Variants in AGAP1 observed in about 807,000 individuals in gnomAD.
The protein encoded by AGAP1 is ArfGAP with GTPase domain, ankyrin repeat and PH domain 1.
AGAP1 carries 29 observed loss-of-function variants against 105.3 expected under a neutral mutation model. That is an observed-to-expected ratio of 0.28 (90% CI 0.21 to 0.38). The LOEUF (loss-of-function observed/expected upper bound fraction) is 0.38. AGAP1 is among the 10% of genes least tolerant of loss of function. AGAP1 has a pLI of 1.00. For synonymous variants in AGAP1, 509 were observed against 485.9 expected (o/e 1.05, Z -0.63); for missense variants, 998 against 1,165.1 (o/e 0.86, Z 2.09).
chr2:235,524,730 C>T (rs1041958845), intron 1 of AGAP1, among the ~76,000 whole-genome samples: 1 of 152,218 alleles, frequency 6.6e-6, no homozygotes, highest in Non-Finnish European at 1.5e-5. Context: ...CATCACCCCT[C>T]TCTTTTAGGG....
At chr2:236,008,990 T>G (rs1255632408) in intron 13 of AGAP1, among the ~76,000 whole-genome samples, 1 of 152,308 alleles carries the variant, frequency 6.6e-6, no homozygotes, top group East Asian at 1.9e-4. Flanking sequence ...ACTGAACACG[T>G]GTCCTATATA....
chr2:236,044,705 G>A lies in AGAP1; in HGVS notation c.1891+3864G>A, dbSNP rs931139552. ...GCCCACAAATAGAACCTCCGGTCCC[G>A]CAACGTCGGGTCTCCTTCCCATTGT... is the stretch of plus-strand genomic sequence containing the variant. On this transcript the variant is annotated intron_variant, in intron 15 of 17. Coordinates refer to ENST00000304032, the MANE Select transcript of AGAP1 (RefSeq NM_001037131.3). The surrounding 1 kb of genome is among the most constrained non-coding windows in gnomAD (Gnocchi z 5.7). 1.1e-4 allele frequency among the ~76,000 whole-genome samples: 17 copies of A among 152,168 alleles called. No individual in the cohort carries two copies. Among genetic ancestry groups the A allele is most frequent in the African/African-American group, 2.9e-4 (12 of 41,518 alleles).
At chr2:235,791,248 A>C (rs1956956931) in intron 6 of AGAP1, among the ~76,000 whole-genome samples, 1 of 152,040 alleles carries the variant, frequency 6.6e-6, no homozygotes, top group African/African-American at 2.4e-5. Context: ...ATTTCTTCTT[A>C]ATAAGATAGT....
In AGAP1 at chr2:235,721,474, ATTATG is replaced by A. The variant is rs1192109357; in HGVS notation, c.310+3832_310+3836del. On this transcript the variant is annotated intron_variant, in intron 3 of 17. Transcript: ENST00000304032. This position sits in a 1 kb window ranked among gnomAD's most constrained non-coding sequence, Gnocchi z 4.5. ...CTCTTGGATTGACAGATTCCTTAAT[ATTATG>A]TGTGTGTGTGTGTGTGTGTGTGTGT... 8.5e-6 allele frequency among the ~76,000 whole-genome samples: 1 copy of A among 118,046 alleles called. No homozygotes were observed. Among genetic ancestry groups the A allele is most frequent in the Non-Finnish European group, 1.8e-5 (1 of 55,646 alleles). 77.4% of individuals were successfully genotyped at this position (118,046 alleles called of 152,430 possible). A position where few individuals can be genotyped will look rare whatever the true frequency, so the allele number is the denominator to read the frequency against.
intron 16 of AGAP1, among the ~76,000 whole-genome samples, chr2:236,117,402 T>C (rs1021869135): frequency 2.0e-5 from 3 of 152,200 alleles, no homozygotes; most frequent in Non-Finnish European, 4.4e-5. Flanking sequence ...TGAGGTGAGA[T>C]GTGAGGACAG....
Position 235,729,241 on chromosome 2 carries a change from G to A in AGAP1, c.310+11597G>A, listed in dbSNP as rs898333086. 5.9e-5 allele frequency among the ~76,000 whole-genome samples: 9 copies of A among 152,160 alleles called. No homozygotes were observed. Among genetic ancestry groups the A allele is most frequent in the African/African-American group, 9.7e-5 (4 of 41,398 alleles). On this transcript the variant is annotated intron_variant, in intron 3 of 17. Transcript: ENST00000304032. The surrounding 1 kb of genome is among the most constrained non-coding windows in gnomAD (Gnocchi z 5.0). ...TAGGGCGTGTGCCCCTTGAGGAGCCGCATCCGCTTATTGGGCCTAAGAAAA... is the reference window on the plus strand; with the variant it reads ...TAGGGCGTGTGCCCCTTGAGGAGCCACATCCGCTTATTGGGCCTAAGAAAA...
At chr2:235,861,005 A>G (rs916267924) in intron 9 of AGAP1, among the ~76,000 whole-genome samples, 3 of 152,208 alleles carry the variant, frequency 2.0e-5, no homozygotes, top group Non-Finnish European at 4.4e-5. Flanking sequence ...TATCTGAACC[A>G]GGCAAGGAGA....
At position 235,864,138 on chromosome 2, in the gene AGAP1, T is replaced by A. The variant is rs1268983193; in HGVS notation, c.1051-19207T>A. ...TAAACAGTTGCTGTAGCATGTGTAATCTTTGCAGTGACAACAATTTAGGGA... is the reference window on the plus strand; with the variant it reads ...TAAACAGTTGCTGTAGCATGTGTAAACTTTGCAGTGACAACAATTTAGGGA... On this transcript the variant is annotated intron_variant, in intron 9 of 17. Coordinates refer to ENST00000304032, the MANE Select transcript of AGAP1 (RefSeq NM_001037131.3). The surrounding 1 kb of genome is among the most constrained non-coding windows in gnomAD (Gnocchi z 5.0). Among the ~76,000 whole-genome samples, 1 of 152,228 alleles carries A rather than the reference T, an allele frequency of 6.6e-6. No homozygotes were observed. Among genetic ancestry groups the A allele is most frequent in the Non-Finnish European group, 1.5e-5 (1 of 68,042 alleles).
rs1273567650 is a variant in AGAP1 at position 235,724,333 on chromosome 2, C to G, written c.310+6689C>G. 6.6e-6 allele frequency among the ~76,000 whole-genome samples: 1 copy of G among 152,208 alleles called. No homozygotes were observed. The highest frequency in any genetic ancestry group is 1.9e-4 in the East Asian group (1 of 5,198). ...GAAGGGCGACCCTCCAGCCCCATGTCCAGGCTCTCCCATCTTCCCAGCTCG... is the reference window on the plus strand; with the variant it reads ...GAAGGGCGACCCTCCAGCCCCATGTGCAGGCTCTCCCATCTTCCCAGCTCG... On this transcript the variant is annotated intron_variant, in intron 3 of 17. Coordinates refer to ENST00000304032, the MANE Select transcript of AGAP1 (RefSeq NM_001037131.3). This position sits in a 1 kb window ranked among gnomAD's most constrained non-coding sequence, Gnocchi z 4.9.
chr2:236,030,135 C>T (rs761569739), intron 13 of AGAP1, among the ~76,000 whole-genome samples: 2 of 152,222 alleles, frequency 1.3e-5, no homozygotes, highest in African/African-American at 4.8e-5. Context: ...TGGCGACTCT[C>T]ACTGTTACTC....
Position 235,663,863 on chromosome 2 carries a change from A to T in AGAP1, c.164-45316A>T, listed in dbSNP as rs1437760530. ...CCTCCCGTGAATCCTGTAGAGGAAA[A>T]TGTTACCAAATAGGCCTGTTCCCCT... On this transcript the variant is annotated intron_variant, in intron 1 of 17. Coordinates refer to ENST00000304032, the MANE Select transcript of AGAP1 (RefSeq NM_001037131.3). The surrounding 1 kb of genome is among the most constrained non-coding windows in gnomAD (Gnocchi z 5.4). Among the ~76,000 whole-genome samples the T allele has an allele frequency of 6.6e-6, 1 of 152,158 alleles. No homozygotes were observed. Among genetic ancestry groups the T allele is most frequent in the Non-Finnish European group, 1.5e-5 (1 of 68,036 alleles).
chr2:235,602,827 G>A (rs1195813988), intron 1 of AGAP1, among the ~76,000 whole-genome samples: 2 of 152,030 alleles, frequency 1.3e-5, no homozygotes, highest in Non-Finnish European at 2.9e-5. Context: ...TCAGCCTCCC[G>A]AACAGCTGGG....
At chr2:236,059,795 C>CT (rs2058140727) in intron 16 of AGAP1, among the ~76,000 whole-genome samples, 1 of 152,156 alleles carries the variant, frequency 6.6e-6, no homozygotes, top group Admixed American at 6.5e-5. Flanking sequence ...AAGTTAGACT[C>CT]TTATCTAATG....
intron 1 of AGAP1, among the ~76,000 whole-genome samples, chr2:235,571,156 C>T (rs1341112441): frequency 1.3e-5 from 2 of 152,146 alleles, no homozygotes; most frequent in Non-Finnish European, 2.9e-5. Flanking sequence ...AGGAACAGCA[C>T]CAAGGGGACG....
At chr2:235,802,231 G>A (rs533251278) in intron 8 of AGAP1, among the ~76,000 whole-genome samples, 102 of 152,236 alleles carry the variant, frequency 6.7e-4, no homozygotes, top group African/African-American at 2.2e-3. Flanking sequence ...CTGTTGCTGC[G>A]GATTCACCCT....
At chr2:235,715,676 G>T (rs556259006) in intron 2 of AGAP1, among the ~76,000 whole-genome samples, 143 of 152,328 alleles carry the variant, frequency 9.4e-4, no homozygotes, top group Admixed American at 2.8e-3. Context: ...TGGTCACTTT[G>T]TTTCTAGGAA....
chr2:235,971,412 C>G lies in AGAP1; in HGVS notation c.1645+2789C>G, dbSNP rs1433136923. Among the ~76,000 whole-genome samples the G allele has an allele frequency of 6.6e-6, 1 of 152,320 alleles. No individual in the cohort carries two copies. The highest frequency in any genetic ancestry group is 1.5e-5 in the Non-Finnish European group (1 of 68,028). On this transcript the variant is annotated intron_variant, in intron 13 of 17. Transcript: ENST00000304032. This position sits in a 1 kb window ranked among gnomAD's most constrained non-coding sequence, Gnocchi z 4.8. ...GTGTAAAACACCCAAATTAAACATT[C>G]TGTTCTGGCCGGGCACAGTGGCTCA...
In AGAP1 at chr2:236,083,997, A is replaced by T. The variant is rs565992942; in HGVS notation, c.2114+34716A>T. 5.9e-5 allele frequency among the ~76,000 whole-genome samples: 9 copies of T among 152,170 alleles called. No homozygotes were observed. In the East Asian group the frequency reaches 1.4e-3, roughly 23 times the overall value. ...CTCAGTAATTAAAGGAATAATAAGG[A>T]CTCATTGTGTGGCAGGTGGAAGAAA... is the stretch of plus-strand genomic sequence containing the variant. On this transcript the variant is annotated intron_variant, in intron 16 of 17. Transcript: ENST00000304032. The surrounding 1 kb of genome is among the most constrained non-coding windows in gnomAD (Gnocchi z 5.3).
At chr2:235,884,457 T>G (rs1358831236) in intron 10 of AGAP1, among the ~76,000 whole-genome samples, 1 of 145,266 alleles carries the variant, frequency 6.9e-6, no homozygotes, top group African/African-American at 2.7e-5. Context: ...TCACTGTTTT[T>G]TTTTTTTTTT....
Sources: allele counts gnomAD v4.1 joint callset (sites outside exome capture counted in the v4.1 genomes callset), GRCh38; gene constraint gnomAD v4.1.1; non-coding constraint Gnocchi (gnomAD v3.1); transcripts MANE v1.5; gene names NCBI Gene and HGNC (gene_info 2026-07-23, HGNC 2026-07-21).